Variants in IFT88 observed in about 807,000 individuals in gnomAD.
IFT88 encodes intraflagellar transport protein 88 homolog.
Under a neutral mutation model 119.5 loss-of-function variants are expected in IFT88, and 74 were observed. That is an observed-to-expected ratio of 0.62 (90% CI 0.51 to 0.75). The LOEUF is 0.75. Among genes scored for constraint, IFT88 ranks in the 30% least tolerant of loss-of-function variants. The pLI is 0.00. For missense variants in IFT88, 961 were observed against 977.7 expected (o/e 0.98, Z 0.23); for synonymous variants, 279 against 316.7 (o/e 0.88, Z 1.26).
chr13:20,638,268 T>G (rs771565327), intron 16 of IFT88, 64 bp from the exon 17 acceptor site: 1 of 875,094 alleles, frequency 1.1e-6, no homozygotes, highest in African/African-American at 1.7e-5. Flanking sequence ...ATGTCTGTAA[T>G]CTCAGAACAG....
At chr13:20,650,269 A>C (rs2051403207) in intron 20 of IFT88, among the ~76,000 whole-genome samples, 1 of 152,180 alleles carries the variant, frequency 6.6e-6, no homozygotes, top group Admixed American at 6.5e-5. Flanking sequence ...TAAAAGAAGT[A>C]CATCATTCGC....
intron 24 of IFT88, among the ~76,000 whole-genome samples, chr13:20,678,450 C>T (rs2056950090): frequency 6.6e-6 from 1 of 152,214 alleles, no homozygotes; most frequent in African/African-American, 2.4e-5. Context: ...TAGCTAGAAG[C>T]ATTCCTTATA....
intron 24 of IFT88, among the ~76,000 whole-genome samples, chr13:20,675,670 G>T (rs2056574542): frequency 6.6e-6 from 1 of 152,228 alleles, no homozygotes; most frequent in African/African-American, 2.4e-5. Flanking sequence ...CCACTCTGCT[G>T]TTGTGTATTG....
chr13:20,627,492 G>A (rs1566256356), intron 15 of IFT88, among the ~76,000 whole-genome samples: 2 of 152,074 alleles, frequency 1.3e-5, no homozygotes, highest in Non-Finnish European at 2.9e-5. Flanking sequence ...CACTTTGGGA[G>A]GCCGAGGCAG....
intron 9 of IFT88, among the ~76,000 whole-genome samples, chr13:20,597,654 G>T (rs1228374169): frequency 6.6e-6 from 1 of 151,734 alleles, no homozygotes; most frequent in Non-Finnish European, 1.5e-5. Flanking sequence ...TGGAGCAGGA[G>T]AATGGCGTGA....
chr13:20,642,244 T>A (rs1258922013), intron 18 of IFT88: 1 of 152,198 alleles, frequency 6.6e-6, no homozygotes, highest in Non-Finnish European at 1.5e-5. Flanking sequence ...TTATATGTTG[T>A]GAGGTGTACC....
intron 22 of IFT88, among the ~76,000 whole-genome samples, chr13:20,662,324 C>CAA (rs1219572819): frequency 6.6e-6 from 1 of 151,700 alleles, no homozygotes; most frequent in Non-Finnish European, 1.5e-5. Context: ...GCCTACCGAC[C>CAA]AAAAAAAGTC....
intron 24 of IFT88, among the ~76,000 whole-genome samples, chr13:20,677,710 T>C (rs112551429): frequency 0.017 from 2,563 of 152,324 alleles, 33 homozygotes; most frequent in Non-Finnish European, 0.021. Flanking sequence ...ATCTTAATTA[T>C]TGCATCTTAA....
At chr13:20,586,006 A>G (rs1379411476) in intron 3 of IFT88, among the ~76,000 whole-genome samples, 2 of 152,224 alleles carry the variant, frequency 1.3e-5, no homozygotes, top group African/African-American at 4.8e-5. Context: ...TTATTGACTA[A>G]CTTAGTAAAT....
At chr13:20,603,027 A>G (rs1316706272) in intron 12 of IFT88, among the ~76,000 whole-genome samples, 5 of 152,220 alleles carry the variant, frequency 3.3e-5, no homozygotes, top group African/African-American at 1.2e-4. Context: ...TTATACATGA[A>G]CATAAACTGG....
intron 23 of IFT88, among the ~76,000 whole-genome samples, chr13:20,669,480 A>G (rs1402142804): frequency 2.0e-5 from 3 of 151,046 alleles, no homozygotes; most frequent in East Asian, 1.9e-4. Flanking sequence ...CTGGCATACA[A>G]TGGTGTGATC....
chr13:20,634,170 G>A (rs747961189), intron 16 of IFT88, among the ~76,000 whole-genome samples: 5 of 152,196 alleles, frequency 3.3e-5, no homozygotes, highest in Admixed American at 6.5e-5. Flanking sequence ...GTGAGTATTA[G>A]GTTCTTGTGC....
intron 24 of IFT88, among the ~76,000 whole-genome samples, chr13:20,672,004 CGTG>C (rs1322669268): frequency 6.6e-6 from 1 of 152,150 alleles, no homozygotes; most frequent in African/African-American, 2.4e-5. Context: ...ACAAATAAGA[CGTG>C]GTCCCCATGC....
chr13:20,593,662 A>G (rs2041127626), intron 7 of IFT88, among the ~76,000 whole-genome samples: 1 of 152,080 alleles, frequency 6.6e-6, no homozygotes, highest in South Asian at 2.1e-4. Flanking sequence ...TTAATTAATG[A>G]CAGCACATTA....
intron 3 of IFT88, among the ~76,000 whole-genome samples, chr13:20,587,340 G>C (rs6490597): frequency 0.78 from 118,183 of 151,802 alleles, 46,671 homozygotes; most frequent in East Asian, 1. Flanking sequence ...TCACTGCAAC[G>C]TCCACCTCCT....
rs547045394 is a variant in IFT88, at chr13:20,596,957, A to G, written c.490-58A>G. 2.8e-5 allele frequency: 25 copies of G among 891,594 alleles called. No individual in the cohort carries two copies. In the East Asian group the frequency reaches 6.3e-4, roughly 22 times the overall value. The allele number at this position is 891,594 out of a possible 1,614,324, so 55.2% of individuals were successfully genotyped here. Reference sequence around the variant, plus strand: ...CCAACCTTCATGTAGATATTTCTCAAATGCATAAAAGTTGATGAACACTCA... The same window carrying G: ...CCAACCTTCATGTAGATATTTCTCAGATGCATAAAAGTTGATGAACACTCA... On this transcript the variant is annotated intron_variant, in intron 8 of 25. Transcript: ENST00000351808.
At chr13:20,600,913 A>T (rs2042486865) in intron 11 of IFT88, among the ~76,000 whole-genome samples, 1 of 152,262 alleles carries the variant, frequency 6.6e-6, no homozygotes, top group Admixed American at 6.5e-5. Context: ...TATTCATACT[A>T]TGAAATGCTA....
At chr13:20,671,612 A>G (rs1336348674) in intron 24 of IFT88, among the ~76,000 whole-genome samples, 4 of 152,214 alleles carry the variant, frequency 2.6e-5, no homozygotes, top group Non-Finnish European at 5.9e-5. Flanking sequence ...TTGTGACATC[A>G]TTACATAATA....
At chr13:20,649,212 T>C (rs941824882) in intron 20 of IFT88, among the ~76,000 whole-genome samples, 5 of 152,204 alleles carry the variant, frequency 3.3e-5, no homozygotes, top group African/African-American at 1.2e-4. Context: ...CAGGAGATTG[T>C]ACATTCTTAA....
Sources: allele counts gnomAD v4.1 joint callset (sites outside exome capture counted in the v4.1 genomes callset), GRCh38; gene constraint gnomAD v4.1.1; transcripts MANE v1.5; gene names NCBI Gene and HGNC (gene_info 2026-07-23, HGNC 2026-07-21).